Variants in PUF60 observed in about 807,000 individuals in gnomAD.
PUF60 encodes poly(U) binding splicing factor 60, also known as poly(U)-binding-splicing factor PUF60.
A neutral mutation model predicts 61.8 loss-of-function variants in PUF60; 10 were observed. That is an observed-to-expected ratio of 0.16 (90% confidence interval 0.10 to 0.27). The LOEUF (loss-of-function observed/expected upper bound fraction) is 0.27, where lower values mean the gene tolerates loss of function less well. Among genes scored for constraint, PUF60 ranks in the 10% least tolerant of loss-of-function variants. PUF60 has a pLI of 1.00. For missense variants in PUF60, 371 were observed against 754.0 expected (o/e 0.49, Z 5.95); for synonymous variants, 353 against 300.9 (o/e 1.17, Z -1.79).
Position 143,828,941 on chromosome 8 carries a change from C to A in PUF60, c.24+339G>T, listed in dbSNP as rs1294711613. The A allele has an allele frequency of 3.0e-6, 3 of 987,514 alleles. No homozygotes were observed. The African/African-American group carries it at 5.2e-5, about 17-fold the overall frequency. The allele number at this position is 987,514 out of a possible 1,614,324, so 61.2% of individuals were successfully genotyped here. A position where few individuals can be genotyped will look rare whatever the true frequency, so the allele number is the denominator to read the frequency against. The stretch of plus-strand genomic sequence containing the variant: ...GCTTCCGTCGTGACCACGGCGCACA[C>A]CCCCGTCGGCAAAGGGAGGACGACG... On this transcript the variant is annotated intron_variant, in intron 1 of 11. Transcript: ENST00000526683.
At chr8:143,821,976 G>C in intron 2 of PUF60, 63 bp from the exon 3 acceptor site, 1 of 1,278,014 alleles carries the variant, frequency 7.8e-7, no homozygotes, top group South Asian at 1.4e-5. Flanking sequence ...GTGGCCCCAG[G>C]AGGGCCACCC....
chr8:143,826,520 G>A (rs891691921), intron 1 of PUF60, among the ~76,000 whole-genome samples: 4 of 152,212 alleles, frequency 2.6e-5, no homozygotes, highest in Admixed American at 6.5e-5. Context: ...TTGGAGACCA[G>A]CCTGGCCAAC....
At position 143,817,904 on chromosome 8, in the gene PUF60, G is replaced by A. The variant is rs1216524838; in HGVS notation, c.775C>T (p.Arg259Trp). Reference sequence around the variant, plus strand: ...TTGTGCTTGCCAGTTGTGGGGTCCCGGGCCAGTGTGCAGGACTTGATCTTG... The same window carrying A: ...TTGTGCTTGCCAGTTGTGGGGTCCCAGGCCAGTGTGCAGGACTTGATCTTG... ...FGKIKSCTLA[R>W]DPTTGKHKGY... The change falls in exon 8 of 12, where the codon CGG becomes TGG. Residue 259 changes from arginine (R) to tryptophan (W), a missense_variant. Physicochemically the swap from Arg to Trp is moderately radical, Grantham distance 101. Transcript: ENST00000526683. The surrounding 1 kb of genome is among the most constrained non-coding windows in gnomAD (Gnocchi z 7.4). 1.9e-6 allele frequency: 3 copies of A among 1,612,748 alleles called. No homozygotes were observed. The highest frequency in any genetic ancestry group is 1.7e-5 in the Admixed American group (1 of 60,006).
At chr8:143,826,304 G>C (rs905682364) in intron 1 of PUF60, among the ~76,000 whole-genome samples, 1 of 152,218 alleles carries the variant, frequency 6.6e-6, no homozygotes, top group African/African-American at 2.4e-5. Flanking sequence ...GCAATGTAGG[G>C]GCTGGGCGTG....
chr8:143,824,252 A>G (rs946491356), intron 2 of PUF60, 61 bp downstream of exon 2: 98 of 1,471,796 alleles, frequency 6.7e-5, no homozygotes, highest in Middle Eastern at 4.8e-4. Context: ...ACGCACAGGC[A>G]GGCGGGCGGG....
rs1189875646 is a variant in PUF60 at position 143,817,492 on chromosome 8, C to G, written c.1009-26G>C. On this transcript the variant is annotated intron_variant, in intron 9 of 11. Transcript: ENST00000526683. The surrounding 1 kb of genome is among the most constrained non-coding windows in gnomAD (Gnocchi z 7.4). ...CTGCAACCCAAAAGGTCACCGTGCT[C>G]AGTCCCTGGTCTGGCTACTCAAGAC... 6.2e-7 allele frequency: 1 copy of G among 1,609,792 alleles called. No individual in the cohort carries two copies. Among genetic ancestry groups the G allele is most frequent in the East Asian group, 2.2e-5 (1 of 44,842 alleles).
Position 143,824,345 on chromosome 8 carries a change from C to G in PUF60, c.79G>C (p.Val27Leu), listed in dbSNP as rs1190439506. ...GGTTTCCATTTGTCTCCCGCTGCCA[C>G]CACTGCCGCCGCCGCCGCCGGCTCG... The part of the protein sequence containing the change: ...GSEPAAAAAV[V>L]AAGDKWKPPQ... Residue 27 changes from valine (V) to leucine (L), a missense_variant, in exon 2 of 12, where the codon GTG (valine) becomes CTG (leucine). Val to Leu is a conservative substitution (Grantham distance 32). Coordinates refer to ENST00000526683, the MANE Select transcript of PUF60 (RefSeq NM_078480.3). The G allele has an allele frequency of 6.2e-7, 1 of 1,612,546 alleles. No individual in the cohort carries two copies. The highest frequency in any genetic ancestry group is 8.5e-7 in the Non-Finnish European group (1 of 1,179,712).
At position 143,816,354 on chromosome 8, in the gene PUF60, G is replaced by A; in HGVS notation, c.*166C>T. 5.3e-6 allele frequency: 4 copies of A among 756,842 alleles called. No individual in the cohort carries two copies. Among genetic ancestry groups the A allele is most frequent in the Non-Finnish European group, 8.3e-6 (4 of 480,094 alleles). 46.9% of individuals were successfully genotyped at this position (756,842 alleles called of 1,614,324 possible). ...GACACACGCCCAGGATCGGTGACAG[G>A]ACCGACGGCAGACACACGGACGTTC... On this transcript the variant is annotated 3_prime_UTR_variant, in exon 12 of 12. Transcript: ENST00000526683.
Position 143,816,418 on chromosome 8 carries a change from C to T in PUF60, c.*102G>A. ...TCCGCACCTTTATCCGCACTGTAGG[C>T]TGGGCTGGGCAGAGCGCGCCTGGCC... On this transcript the variant is annotated 3_prime_UTR_variant, in exon 12 of 12. Transcript: ENST00000526683. 7.5e-7 allele frequency: 1 copy of T among 1,334,630 alleles called. No individual in the cohort carries two copies. The highest frequency in any genetic ancestry group is 2.5e-5 in the Admixed American group (1 of 40,036). The allele number at this position is 1,334,630 out of a possible 1,614,324, so 82.7% of individuals were successfully genotyped here.
chr8:143,824,437 C>T, intron 1 of PUF60, 38 bp from the exon 2 acceptor site: 4 of 1,595,106 alleles, frequency 2.5e-6, no homozygotes, highest in Non-Finnish European at 3.4e-6. Flanking sequence ...GACAGGCACA[C>T]CACCCCACCG....
chr8:143,825,640 A>G (rs1817556978), intron 1 of PUF60, among the ~76,000 whole-genome samples: 1 of 151,846 alleles, frequency 6.6e-6, no homozygotes, highest in East Asian at 1.9e-4. Context: ...GCGCCGCCAC[A>G]CCTGGCTAAT....
At chr8:143,826,158 C>G (rs1346351835) in intron 1 of PUF60, among the ~76,000 whole-genome samples, 1 of 152,218 alleles carries the variant, frequency 6.6e-6, no homozygotes, top group Non-Finnish European at 1.5e-5. Flanking sequence ...GCCCCCAGCA[C>G]CAGGCAGCAG....
In PUF60 at chr8:143,816,790, C is replaced by T. The variant is rs773922192; in HGVS notation, c.1410G>A (p.Val470=). The T allele has an allele frequency of 1.1e-5, 17 of 1,613,392 alleles. No individual in the cohort carries two copies. The highest frequency in any genetic ancestry group is 1.4e-5 in the Non-Finnish European group (16 of 1,179,874). Residue 470 remains valine, a synonymous_variant, in exon 12 of 12, where the codon GTG becomes GTA. Transcript: ENST00000526683. ...GGTCATCATCGATGTCCTTGGGGTCCACCATGTTGCGCAGAACCATCACTG... is the reference window on the plus strand; with the variant it reads ...GGTCATCATCGATGTCCTTGGGGTCTACCATGTTGCGCAGAACCATCACTG... ...ESTVMVLRNM[V]DPKDIDDDLE...
At chr8:143,819,520 C>T (rs1816774488) in intron 5 of PUF60, among the ~76,000 whole-genome samples, 1 of 152,188 alleles carries the variant, frequency 6.6e-6, no homozygotes, top group South Asian at 2.1e-4. Context: ...CAGTTTCCCT[C>T]TTTAGACATC....
intron 1 of PUF60, among the ~76,000 whole-genome samples, chr8:143,827,887 C>CGG (rs1817813109): frequency 6.6e-6 from 1 of 152,168 alleles, no homozygotes; most frequent in Admixed American, 6.5e-5. Context: ...CGCTGTTCTG[C>CGG]GGGTGCTAGG....
At position 143,817,676 on chromosome 8, in the gene PUF60, G is replaced by A. The variant is rs1386084522; in HGVS notation, c.924C>T (p.Pro308=). The A allele has an allele frequency of 1.2e-6, 2 of 1,612,656 alleles. No homozygotes were observed. The highest frequency in any genetic ancestry group is 2.2e-5 in the South Asian group (2 of 91,082). ...RVGKAVTPPM[P]LLTPATPGGL... Reference sequence around the variant, plus strand: ...CTCCAGGCGTGGCTGGTGTGAGTAGGGGCATGGGCGGTGTGACAGCCTTGC... The same window carrying A: ...CTCCAGGCGTGGCTGGTGTGAGTAGAGGCATGGGCGGTGTGACAGCCTTGC... The change falls in exon 9 of 12, where the codon CCC becomes CCT. Residue 308 remains proline, a synonymous_variant. Coordinates refer to ENST00000526683, the MANE Select transcript of PUF60 (RefSeq NM_078480.3). The surrounding 1 kb of genome is among the most constrained non-coding windows in gnomAD (Gnocchi z 7.4).
chr8:143,816,393 T>G lies in PUF60; in HGVS notation c.*127A>C. 9.3e-7 allele frequency: 1 copy of G among 1,080,718 alleles called. No individual in the cohort carries two copies. The highest frequency in any genetic ancestry group is 1.3e-6 in the Non-Finnish European group (1 of 771,082). 66.9% of individuals were successfully genotyped at this position (1,080,718 alleles called of 1,614,324 possible). On this transcript the variant is annotated 3_prime_UTR_variant, in exon 12 of 12. Transcript: ENST00000526683. Reference sequence around the variant, plus strand: ...ACACGGACGTTCAGGGCCAGCAGCATCCGCACCTTTATCCGCACTGTAGGC... The same window carrying G: ...ACACGGACGTTCAGGGCCAGCAGCAGCCGCACCTTTATCCGCACTGTAGGC...
Position 143,818,179 on chromosome 8 carries a change from G to T in PUF60, c.603+14C>A. The stretch of plus-strand genomic sequence containing the variant: ...GCACGCCTGCGGGATCGAGGCCTTG[G>T]CTCCCTGCCTCACCTTGATGTTCCT... On this transcript the variant is annotated intron_variant, in intron 7 of 11. Coordinates refer to ENST00000526683, the MANE Select transcript of PUF60 (RefSeq NM_078480.3). The surrounding 1 kb of genome is among the most constrained non-coding windows in gnomAD (Gnocchi z 7.9). The T allele has an allele frequency of 6.2e-7, 1 of 1,607,410 alleles. No individual in the cohort carries two copies.
rs977459577 is a variant in PUF60 at position 143,823,734 on chromosome 8, C to T, written c.111+579G>A. On this transcript the variant is annotated intron_variant, in intron 2 of 11. Transcript: ENST00000526683. ...AGAACCCAACTACCCAGCCACAGGC[C>T]CAGCTCCACCTCTGAGAGGACCTGC... Among the ~76,000 whole-genome samples, 12 of 152,334 alleles carry T rather than the reference C, an allele frequency of 7.9e-5. No homozygotes were observed. The East Asian group carries it at 1.9e-3, about 24-fold the overall frequency.
Sources: gnomAD v4.1 joint callset for allele counts (sites outside exome capture counted in the v4.1 genomes callset) on GRCh38, gnomAD v4.1.1 for gene constraint, Gnocchi (gnomAD v3.1) non-coding constraint, MANE v1.5 for transcripts, NCBI Gene and HGNC (gene_info 2026-07-23, HGNC 2026-07-21) for gene names.